Variants in CDK6 observed in about 807,000 individuals in gnomAD.
CDK6 encodes the protein cyclin dependent kinase 6.
In CDK6, 6 loss-of-function variants were observed where a neutral mutation model predicts 37.1. The observed-to-expected ratio is 0.16, with a 90% CI of 0.09 to 0.32. The LOEUF (loss-of-function observed/expected upper bound fraction) is 0.32. Ranked by LOEUF, CDK6 falls within the 10% of genes least tolerant of loss-of-function variation. The probability of loss-of-function intolerance (pLI) is 1.00; values close to 1 mark genes in which losing one functional copy is unlikely to be tolerated. For missense variants in CDK6, 224 were observed against 418.9 expected (o/e 0.53, Z 4.06); for synonymous variants, 160 against 161.3 (o/e 0.99, Z 0.06).
intron 4 of CDK6, among the ~76,000 whole-genome samples, chr7:92,688,660 A>G (rs1269740885): frequency 6.6e-6 from 1 of 151,526 alleles, no homozygotes; most frequent in African/African-American, 2.4e-5. Context: ...TAGGCATTGA[A>G]AAAGAACTGA....
At chr7:92,749,750 A>C (rs1263103545) in intron 3 of CDK6, among the ~76,000 whole-genome samples, 1 of 152,204 alleles carries the variant, frequency 6.6e-6, no homozygotes, top group Non-Finnish European at 1.5e-5. Flanking sequence ...GAGGGTATGC[A>C]ATAAATGTTT....
chr7:92,799,475 C>T (rs944665522), intron 2 of CDK6, among the ~76,000 whole-genome samples: 17 of 151,888 alleles, frequency 1.1e-4, no homozygotes, highest in Non-Finnish European at 5.9e-5. Flanking sequence ...ATCCTAAATG[C>T]AGAGTCTCAA....
At chr7:92,717,341 AGGAAAGGAAAGG>A (rs539464987) in intron 4 of CDK6, among the ~76,000 whole-genome samples, 40 of 141,798 alleles carry the variant, frequency 2.8e-4, no homozygotes, top group Middle Eastern at 3.5e-3. Context: ...GACCTGGTCA[AGGAAAGGAAAGG>A]GGAAAGGAAA....
intron 3 of CDK6, among the ~76,000 whole-genome samples, chr7:92,750,504 G>A (rs1799164178): frequency 6.6e-6 from 1 of 152,122 alleles, no homozygotes; most frequent in South Asian, 2.1e-4. Context: ...ATTTCAATTT[G>A]GGTTGCCACT....
At chr7:92,747,048 G>A (rs996347262) in intron 3 of CDK6, among the ~76,000 whole-genome samples, 2 of 151,970 alleles carry the variant, frequency 1.3e-5, no homozygotes, top group Non-Finnish European at 2.9e-5. Flanking sequence ...GGTTACATGG[G>A]GCTCAGAAGT....
chr7:92,616,002 T>A (rs539901538), intron 7 of CDK6, among the ~76,000 whole-genome samples: 4 of 152,128 alleles, frequency 2.6e-5, no homozygotes, highest in African/African-American at 9.7e-5. Context: ...ATCTTGTTAC[T>A]CAAATCCTCC....
chr7:92,622,660 A>G (rs1249283191), intron 6 of CDK6, among the ~76,000 whole-genome samples: 1 of 152,134 alleles, frequency 6.6e-6, no homozygotes, highest in Non-Finnish European at 1.5e-5. Flanking sequence ...CTCAGTGGGG[A>G]CAGGAAGCTC....
chr7:92,628,124 G>A (rs1342816951), intron 5 of CDK6, among the ~76,000 whole-genome samples: 1 of 151,944 alleles, frequency 6.6e-6, no homozygotes, highest in South Asian at 2.1e-4. Context: ...ATCAGATTAG[G>A]GTTAAATAAT....
At chr7:92,718,301 G>A (rs1474577038) in intron 4 of CDK6, among the ~76,000 whole-genome samples, 2 of 152,136 alleles carry the variant, frequency 1.3e-5, no homozygotes, top group African/African-American at 2.4e-5. Flanking sequence ...CTGAGGTGCC[G>A]AGGCGACGGG....
intron 3 of CDK6, among the ~76,000 whole-genome samples, chr7:92,748,345 C>T (rs2060111957): frequency 6.6e-6 from 1 of 152,086 alleles, no homozygotes. Context: ...TTTTGGCGGG[C>T]CATTAAAGGC....
chr7:92,638,645 A>G (rs1796230909), intron 5 of CDK6, among the ~76,000 whole-genome samples: 3 of 152,218 alleles, frequency 2.0e-5, no homozygotes, highest in Admixed American at 2.0e-4. Context: ...ACTGACTCAG[A>G]GTCTCTTTAG....
At chr7:92,668,211 A>G (rs1797001341) in intron 5 of CDK6, among the ~76,000 whole-genome samples, 1 of 152,238 alleles carries the variant, frequency 6.6e-6, no homozygotes, top group African/African-American at 2.4e-5. Flanking sequence ...TGTCATACAG[A>G]TTGGCAGCCT....
chr7:92,720,539 T>G (rs150647905), intron 4 of CDK6, among the ~76,000 whole-genome samples: 2 of 152,238 alleles, frequency 1.3e-5, no homozygotes, highest in African/African-American at 4.8e-5. Context: ...GCTGTATGAT[T>G]AGGTTTAGAA....
intron 2 of CDK6, among the ~76,000 whole-genome samples, chr7:92,805,852 C>T (rs1455107902): frequency 6.6e-6 from 1 of 152,088 alleles, no homozygotes; most frequent in African/African-American, 2.4e-5. Flanking sequence ...AGGTTACTGG[C>T]TATGGCATAA....
intron 2 of CDK6, among the ~76,000 whole-genome samples, chr7:92,800,714 T>C (rs534126886): frequency 1.3e-5 from 2 of 152,344 alleles, no homozygotes; most frequent in South Asian, 4.1e-4. Flanking sequence ...TTCTATGCCA[T>C]GTACTGCTAT....
At chr7:92,697,272 A>G (rs1221244539) in intron 4 of CDK6, among the ~76,000 whole-genome samples, 3 of 152,346 alleles carry the variant, frequency 2.0e-5, no homozygotes, top group East Asian at 3.9e-4. Flanking sequence ...ATTTTACTCT[A>G]ATGCAGAAAC....
intron 5 of CDK6, among the ~76,000 whole-genome samples, chr7:92,650,960 G>A (rs543511527): frequency 4.6e-5 from 7 of 152,004 alleles, no homozygotes; most frequent in African/African-American, 1.7e-4. Flanking sequence ...TGCAATCTCG[G>A]CTCACTGCAA....
At chr7:92,767,678 G>C (rs569196985) in intron 3 of CDK6, among the ~76,000 whole-genome samples, 1 of 151,924 alleles carries the variant, frequency 6.6e-6, no homozygotes, top group Non-Finnish European at 1.5e-5. Flanking sequence ...CTACTCTCAG[G>C]CTGGCTGCTT....
chr7:92,638,024 T>C (rs1585356987), intron 5 of CDK6, among the ~76,000 whole-genome samples: 1 of 152,224 alleles, frequency 6.6e-6, no homozygotes, highest in Non-Finnish European at 1.5e-5. Context: ...TATAATTTGT[T>C]AATAGACATT....
Sources: gnomAD v4.1 joint callset for allele counts (sites outside exome capture counted in the v4.1 genomes callset) on GRCh38, gnomAD v4.1.1 for gene constraint, MANE v1.5 for transcripts, NCBI Gene and HGNC (gene_info 2026-07-23, HGNC 2026-07-21) for gene names.